Variants in USP20 observed in about 807,000 individuals in gnomAD.
USP20 encodes the protein ubiquitin carboxyl-terminal hydrolase 20.
Under a neutral mutation model 124.2 loss-of-function variants are expected in USP20, and 80 were observed. That is an observed-to-expected ratio of 0.64 (90% confidence interval 0.54 to 0.78). The LOEUF is 0.78. USP20 is among the 30% of genes least tolerant of loss of function. The pLI is 0.00. For missense variants in USP20, 1,043 were observed against 1,244.4 expected (o/e 0.84, Z 2.44); for synonymous variants, 481 against 512.3 (o/e 0.94, Z 0.83).
chr9:129,870,395 C>T (rs2034058853), intron 14 of USP20, 58 bp from the exon 15 acceptor site: 3 of 1,569,198 alleles, frequency 1.9e-6, no homozygotes, highest in Non-Finnish European at 2.6e-6. Context: ...AGAGTCCCTT[C>T]AGCTCCTGTT....
intron 10 of USP20, among the ~76,000 whole-genome samples, chr9:129,867,493 A>T (rs991384456): frequency 6.6e-6 from 1 of 152,068 alleles, no homozygotes; most frequent in Admixed American, 6.5e-5. Context: ...GGGGAGCCAG[A>T]GGAAGGGTAG....
At chr9:129,855,679 G>T (rs967805032) in intron 3 of USP20, among the ~76,000 whole-genome samples, 1 of 152,164 alleles carries the variant, frequency 6.6e-6, no homozygotes, top group Non-Finnish European at 1.5e-5. Flanking sequence ...ACATGATCAT[G>T]GTGGAAGCTG....
intron 22 of USP20, among the ~76,000 whole-genome samples, chr9:129,877,617 G>T (rs564411537): frequency 1.4e-4 from 22 of 151,800 alleles, no homozygotes; most frequent in Middle Eastern, 6.8e-3. Flanking sequence ...AGGATCACTT[G>T]AGCCCAGGAG....
chr9:129,860,834 C>G, intron 6 of USP20, 103 bp from the exon 7 acceptor site: 1 of 1,216,990 alleles, frequency 8.2e-7, no homozygotes, highest in South Asian at 1.2e-5. Context: ...CCAGTAGGGC[C>G]TTCCGGGCAG....
intron 22 of USP20, among the ~76,000 whole-genome samples, chr9:129,877,628 G>A (rs1208282194): frequency 6.6e-6 from 1 of 152,022 alleles, no homozygotes; most frequent in Non-Finnish European, 1.5e-5. Context: ...AGCCCAGGAG[G>A]TCAAGGCTGC....
At chr9:129,844,923 G>A (rs1447489585) in intron 1 of USP20, among the ~76,000 whole-genome samples, 2 of 151,370 alleles carry the variant, frequency 1.3e-5, no homozygotes, top group African/African-American at 2.4e-5. Context: ...TGGCTCATGT[G>A]TGTAATCCCA....
At chr9:129,868,725 G>A in intron 11 of USP20, 137 bp from the exon 12 acceptor site, 1 of 1,417,946 alleles carries the variant, frequency 7.1e-7, no homozygotes. Flanking sequence ...CTGGGGCCAG[G>A]AGTGGGCACA....
chr9:129,867,636 A>C (rs2033885625), intron 10 of USP20, among the ~76,000 whole-genome samples: 1 of 152,086 alleles, frequency 6.6e-6, no homozygotes, highest in Non-Finnish European at 1.5e-5. Flanking sequence ...TGTAGGGAGA[A>C]AGGTGGCTCG....
intron 2 of USP20, among the ~76,000 whole-genome samples, chr9:129,852,318 C>G (rs772839531): frequency 6.6e-6 from 1 of 152,214 alleles, no homozygotes; most frequent in Non-Finnish European, 1.5e-5. Flanking sequence ...AGGCATTTGA[C>G]AGACATTGTC....
At chr9:129,869,058 C>G (rs915398512) in intron 12 of USP20, 56 bp downstream of exon 12, 1 of 1,535,130 alleles carries the variant, frequency 6.5e-7, no homozygotes. Flanking sequence ...AGATTACGCC[C>G]GTAGCTGCCT....
intron 3 of USP20, among the ~76,000 whole-genome samples, chr9:129,855,417 C>T (rs982360061): frequency 3.6e-5 from 5 of 140,072 alleles, no homozygotes; most frequent in African/African-American, 1.3e-4. Flanking sequence ...GGTGACAGAG[C>T]GAGACTCCAT....
chr9:129,868,385 TGAC>T lies in USP20; in HGVS notation c.1075_1077del (p.Asp359del), dbSNP rs10602985. 0.89 allele frequency: 1,428,740 copies of T among 1,612,504 alleles called. 635,319 individuals carry two copies. Among genetic ancestry groups the T allele is most frequent in the East Asian group, 0.97 (43,623 of 44,824 alleles). On this transcript the variant is annotated inframe_deletion, in exon 11 of 26. Coordinates refer to ENST00000372429, the MANE Select transcript of USP20 (RefSeq NM_001110303.4). ...ATGTGGACACTGCCATGGCTGCCCT[TGAC>T]GACCAGCCCGCGGAGGCCCAGCCCC...
chr9:129,852,584 A>T lies in USP20; in HGVS notation c.29A>T (p.His10Leu). MGDSRDLCP[H>L]LDSIGEVTKE... The stretch of plus-strand genomic sequence containing the variant: ...GGGGACTCCAGGGACCTTTGCCCTC[A>T]CCTTGACTCCATAGGAGAGGTGACC... Residue 10 changes from histidine to leucine, a missense_variant, in exon 3 of 26, where the codon CAC becomes CTC. Coordinates refer to ENST00000372429, the MANE Select transcript of USP20 (RefSeq NM_001110303.4). The T allele has an allele frequency of 6.2e-7, 1 of 1,600,126 alleles. No homozygotes were observed. The highest frequency in any genetic ancestry group is 8.5e-7 in the Non-Finnish European group (1 of 1,172,774).
intron 6 of USP20, 106 bp from the exon 7 acceptor site, chr9:129,860,831 G>A (rs1294812585): frequency 9.5e-6 from 11 of 1,152,548 alleles, no homozygotes; most frequent in African/African-American, 6.2e-5. Flanking sequence ...AGCCCAGTAG[G>A]GCCTTCCGGG....
chr9:129,862,273 G>C (rs1355408007), intron 8 of USP20, among the ~76,000 whole-genome samples: 1 of 152,180 alleles, frequency 6.6e-6, no homozygotes, highest in African/African-American at 2.4e-5. Flanking sequence ...CCACACCCAG[G>C]CTGGGCGCAG....
intron 15 of USP20, 139 bp downstream of exon 15, chr9:129,870,686 A>G (rs1438229328): frequency 1.0e-6 from 1 of 965,544 alleles, no homozygotes; most frequent in Non-Finnish European, 1.5e-6. Flanking sequence ...GGTTGATCCC[A>G]TCAGATACCC....
rs376074546 is a variant in USP20, at chr9:129,866,600, G to A, written c.690+1219G>A. Among the ~76,000 whole-genome samples the A allele has an allele frequency of 3.9e-5, 6 of 152,316 alleles. No individual in the cohort carries two copies. In the East Asian group the frequency reaches 9.7e-4, roughly 25 times the overall value. On this transcript the variant is annotated intron_variant, in intron 10 of 25. Coordinates refer to ENST00000372429, the MANE Select transcript of USP20 (RefSeq NM_001110303.4). ...GCTTTCAGCTCTGGGTCAGGATGCC[G>A]TTACGGAGGGCCATGCGCTGCGGCA... is the stretch of plus-strand genomic sequence containing the variant.
At position 129,868,229 on chromosome 9, in the gene USP20, G is replaced by A. The variant is rs764102201; in HGVS notation, c.915G>A (p.Ser305=). 3.8e-5 allele frequency: 61 copies of A among 1,613,652 alleles called. No individual in the cohort carries two copies. Among genetic ancestry groups the A allele is most frequent in the South Asian group, 3.1e-4 (28 of 91,074 alleles). The change falls in exon 11 of 26, where the codon TCG becomes TCA. Residue 305 remains serine, a synonymous_variant. Transcript: ENST00000372429. ...GGCAGGGGCGTGGCGGGGGCAGCTC[G>A]CAGGCCGAGACGGAGCTGCTGATCC... ...GDGQGRGGGS[S]QAETELLIPD...
At chr9:129,856,719 C>T (rs1588259249) in intron 4 of USP20, among the ~76,000 whole-genome samples, 1 of 152,178 alleles carries the variant, frequency 6.6e-6, no homozygotes, top group African/African-American at 2.4e-5. Context: ...CTACCTGGGC[C>T]AGTCTCATTT....
Sources: gnomAD v4.1 joint callset for allele counts (sites outside exome capture counted in the v4.1 genomes callset) on GRCh38, gnomAD v4.1.1 for gene constraint, MANE v1.5 for transcripts, NCBI Gene and HGNC (gene_info 2026-07-23, HGNC 2026-07-21) for gene names.